Variants in GBF1 observed in about 807,000 individuals in gnomAD.
GBF1 encodes the protein Golgi-specific brefeldin A-resistance guanine nucleotide exchange factor 1.
Under a neutral mutation model 210.5 loss-of-function variants are expected in GBF1, and 114 were observed. The ratio of observed to expected loss-of-function variants is 0.54; its 90% confidence interval spans 0.47 to 0.63. The LOEUF (loss-of-function observed/expected upper bound fraction) is 0.63. Ranked by LOEUF, GBF1 falls within the 30% of genes least tolerant of loss-of-function variation. The probability of loss-of-function intolerance (pLI) is 0.00; values close to 1 mark genes in which losing one functional copy is unlikely to be tolerated. For missense variants in GBF1, 1,851 were observed against 2,357.7 expected (o/e 0.79, Z 4.45); for synonymous variants, 850 against 889.2 (o/e 0.96, Z 0.78).
chr10:102,284,320 A>G (rs2075760612), intron 3 of GBF1, among the ~76,000 whole-genome samples: 1 of 152,222 alleles, frequency 6.6e-6, no homozygotes, highest in Non-Finnish European at 1.5e-5. Context: ...GAAACAATAT[A>G]GTGGCATTTA....
Position 102,368,395 on chromosome 10 carries a change from T to A in GBF1, c.2820T>A (p.Ser940=), listed in dbSNP as rs767140469. The A allele has an allele frequency of 6.2e-7, 1 of 1,613,982 alleles. No individual in the cohort carries two copies. Among genetic ancestry groups the A allele is most frequent in the East Asian group, 2.2e-5 (1 of 44,892 alleles). ...MTWGPTIAAL[S]YVFDKSLEET... is the part of the protein sequence containing the mutation. ...GGGGCCCCACTATTGCTGCTCTCTC[T>A]TATGTCTTTGACAAAAGCCTTGAGG... The change falls in exon 22 of 40, where the codon TCT becomes TCA. Residue 940 remains serine, a synonymous_variant. Transcript: ENST00000369983.
the GBF1 span, chr10:102,231,890 G>C: frequency 7.1e-6 from 11 of 1,555,848 alleles, no homozygotes; most frequent in South Asian, 1.1e-5. Context: ...CACCGGGGCT[G>C]CCCAGCCGGG....
intron 3 of GBF1, among the ~76,000 whole-genome samples, chr10:102,268,036 G>T (rs963598717): frequency 2.1e-4 from 32 of 152,242 alleles, no homozygotes; most frequent in African/African-American, 7.5e-4. Context: ...TATTAAAAGG[G>T]TAGCTCCAAG....
At chr10:102,243,657 G>C (rs1387407332), upstream of GBF1, among the ~76,000 whole-genome samples, 1 of 152,172 alleles carries the variant, frequency 6.6e-6, no homozygotes, top group Non-Finnish European at 1.5e-5. Flanking sequence ...AAATGAAGAG[G>C]AAAATGGCTT....
At chr10:102,282,226 C>T (rs929238785) in intron 3 of GBF1, among the ~76,000 whole-genome samples, 4 of 151,986 alleles carry the variant, frequency 2.6e-5, no homozygotes, top group Admixed American at 6.6e-5. Context: ...TGAGCCACCG[C>T]GCCCGGCCGC....
intron 3 of GBF1, among the ~76,000 whole-genome samples, chr10:102,337,675 G>A (rs1392939134): frequency 1.3e-5 from 2 of 152,020 alleles, no homozygotes; most frequent in African/African-American, 2.4e-5. Context: ...TGGCCAACAT[G>A]AAGAAACCCC....
At chr10:102,360,844 G>C (rs774282882) in intron 12 of GBF1, among the ~76,000 whole-genome samples, 178 bp from the exon 13 acceptor site, 1 of 152,014 alleles carries the variant, frequency 6.6e-6, no homozygotes, top group East Asian at 1.9e-4. Context: ...GCATGGTGAC[G>C]TGCGCCTGTA....
chr10:102,358,589 G>C lies in GBF1; in HGVS notation c.871G>C (p.Asp291His). Residue 291 changes from aspartate (D) to histidine (H), a missense_variant, in exon 10 of 40, where the codon GAC becomes CAC. Around this residue, in one of 3 missense-constraint regions of GBF1, gnomAD observed 804 missense variants for 958.6 expected, o/e 0.84. Transcript: ENST00000369983. ...AASAVVSPST[D>H]SGLEFSSQTT... is the part of the protein sequence containing the mutation. ...CTCAGCAGTGGTCAGTCCCTCTACA[G>C]ACAGTGGCCTGGAATTCTCCTCCCA... The C allele has an allele frequency of 6.2e-7, 1 of 1,613,978 alleles. No individual in the cohort carries two copies. The highest frequency in any genetic ancestry group is 8.5e-7 in the Non-Finnish European group (1 of 1,179,836).
rs572360401 is a variant in GBF1 at position 102,382,080 on chromosome 10, G to A, written c.5327G>A (p.Arg1776Gln). The change falls in exon 40 of 40, where the codon CGA (arginine) becomes CAA (glutamine). Residue 1776 changes from arginine to glutamine, a missense_variant. By Grantham distance (43) the Arg-to-Gln change is conservative. Coordinates refer to ENST00000369983, the MANE Select transcript of GBF1 (RefSeq NM_001377137.1). Reference sequence around the variant, plus strand: ...GACTTTGAGAAGCCCGAGAGCCCCCGAGCCGCCAGCAGCAGCTCCCCAGGA... The same window carrying A: ...GACTTTGAGAAGCCCGAGAGCCCCCAAGCCGCCAGCAGCAGCTCCCCAGGA... ...ACDFEKPESP[R>Q]AASSSSPGSP... 16 of 1,559,746 alleles carry A rather than the reference G, an allele frequency of 1.0e-5. No homozygotes were observed. In the African/African-American group the frequency reaches 1.5e-4, roughly 15 times the overall value.
Position 102,312,018 on chromosome 10 carries a change from G to A in GBF1, c.164-32033G>A, listed in dbSNP as rs185841909. ...TAGAAAATGTTAAATCTCGCCGGGC[G>A]TGGTAGCTCACGCCTGTAATCCCAG... On this transcript the variant is annotated intron_variant, in intron 3 of 39. Transcript: ENST00000369983. 2.0e-3 allele frequency among the ~76,000 whole-genome samples: 308 copies of A among 152,260 alleles called. 1 individual carries two copies. Among genetic ancestry groups the A allele is most frequent in the African/African-American group, 6.6e-3 (274 of 41,550 alleles).
intron 8 of GBF1, among the ~76,000 whole-genome samples, chr10:102,357,256 G>A (rs2059342988): frequency 6.6e-6 from 1 of 152,090 alleles, no homozygotes; most frequent in South Asian, 2.1e-4. Context: ...GGAGGCTGGG[G>A]CAGGCAGATC....
At chr10:102,371,470 C>T (rs556599422) in intron 29 of GBF1, among the ~76,000 whole-genome samples, 2 of 152,266 alleles carry the variant, frequency 1.3e-5, no homozygotes, top group East Asian at 1.9e-4. Context: ...GATTGGAAGG[C>T]TCAACATAGT....
At chr10:102,330,456 G>A (rs2057252159) in intron 3 of GBF1, among the ~76,000 whole-genome samples, 1 of 152,168 alleles carries the variant, frequency 6.6e-6, no homozygotes. Flanking sequence ...GGCTGAGGCA[G>A]GCAGATCACC....
intron 3 of GBF1, 49 bp downstream of exon 3, chr10:102,260,165 G>A: frequency 1.0e-6 from 1 of 998,558 alleles, no homozygotes; most frequent in Non-Finnish European, 1.6e-6. Context: ...AAAAATATGT[G>A]TTTGATTTAT....
chr10:102,365,314 GGGTGGGCTATGGTGGACTCCA>G, intron 17 of GBF1, 62 bp from the exon 18 acceptor site: 5 of 978,188 alleles, frequency 5.1e-6, no homozygotes, highest in Non-Finnish European at 8.0e-6. Context: ...GACCAACTGT[GGGTGGGCTATGGTGGACTCCA>G]GGCTGGCCTT....
rs187129818 is a variant in GBF1, at chr10:102,312,537, C to T, written c.164-31514C>T. 3.3e-5 allele frequency among the ~76,000 whole-genome samples: 5 copies of T among 152,278 alleles called. No individual in the cohort carries two copies. In the East Asian group the frequency reaches 7.7e-4, roughly 24 times the overall value. ...AATTCAATAATCTTTGTTGGTAGGG[C>T]GTAACTATTCTAGTTAGCAATTCCA... On this transcript the variant is annotated intron_variant, in intron 3 of 39. Coordinates refer to ENST00000369983, the MANE Select transcript of GBF1 (RefSeq NM_001377137.1).
At chr10:102,358,263 AC>A (rs1589764312) in intron 9 of GBF1, 77 bp downstream of exon 9, 2 of 1,319,496 alleles carry the variant, frequency 1.5e-6, no homozygotes, top group East Asian at 4.6e-5. Context: ...GAAATTGAAG[AC>A]CAACCAACTG....
the GBF1 span, chr10:102,231,669 G>A: frequency 1.2e-6 from 2 of 1,612,532 alleles, no homozygotes; most frequent in Admixed American, 3.3e-5. Flanking sequence ...TCCTCTGGAA[G>A]GTCGCCTCTA....
At chr10:102,352,379 G>C in intron 6 of GBF1, 79 bp from the exon 7 acceptor site, 3 of 956,468 alleles carry the variant, frequency 3.1e-6, no homozygotes, top group Non-Finnish European at 5.2e-6. Context: ...AAGGTTTGGA[G>C]GGGAGTCTGC....
Sources: allele counts gnomAD v4.1 joint callset (sites outside exome capture counted in the v4.1 genomes callset), GRCh38; gene constraint gnomAD v4.1.1; regional missense constraint gnomAD v4.1.1; transcripts MANE v1.5; gene names NCBI Gene and HGNC (gene_info 2026-07-23, HGNC 2026-07-21).